AKNAD1: variants seen among roughly 807,000 people sequenced by gnomAD.
The protein encoded by AKNAD1 is AKNA domain containing 1.
In AKNAD1, 67 loss-of-function variants were observed where a neutral mutation model predicts 90.8. The observed-to-expected ratio is 0.74, with a 90% CI of 0.61 to 0.90. AKNAD1 has a LOEUF of 0.90. Ranked by LOEUF, AKNAD1 falls within the 40% of genes least tolerant of loss-of-function variation. The pLI is 0.00. For missense variants in AKNAD1, 957 were observed against 975.4 expected, an observed-to-expected ratio of 0.98 and a Z score of 0.25; for synonymous variants, 327 against 341.4, an observed-to-expected ratio of 0.96 and a Z score of 0.46.
intron 14 of AKNAD1, among the ~76,000 whole-genome samples, chr1:108,820,233 TCAA>T (rs1043059426): frequency 9.9e-5 from 15 of 152,198 alleles, no homozygotes; most frequent in African/African-American, 3.6e-4. Flanking sequence ...CCAAATTAGA[TCAA>T]TGGGACTTTG....
At chr1:108,832,211 CTT>C (rs35868464) in intron 9 of AKNAD1, among the ~76,000 whole-genome samples, 2,732 of 91,460 alleles carry the variant, frequency 0.03, 13 homozygotes, top group South Asian at 0.063. Flanking sequence ...ATGCTGTGTT[CTT>C]TTTTTTTTTT....
At chr1:108,853,643 T>C (rs921372703) in intron 1 of AKNAD1, among the ~76,000 whole-genome samples, 46 of 151,730 alleles carry the variant, frequency 3.0e-4, no homozygotes, top group African/African-American at 1.1e-3. Context: ...TACAGAAATA[T>C]GACCAAGGGG....
intron 5 of AKNAD1, among the ~76,000 whole-genome samples, chr1:108,845,697 GAGA>G (rs1162195192): frequency 1.3e-5 from 2 of 152,216 alleles, no homozygotes; most frequent in Non-Finnish European, 2.9e-5. Context: ...CTTGGGAAGT[GAGA>G]AGAATGTGGT....
chr1:108,846,346 C>T (rs942610171), intron 5 of AKNAD1, among the ~76,000 whole-genome samples: 10 of 152,250 alleles, frequency 6.6e-5, no homozygotes, highest in African/African-American at 9.6e-5. Flanking sequence ...TCCAGGCTTC[C>T]GAAGGCTCCT....
chr1:108,827,528 A>G (rs967396692), intron 10 of AKNAD1, among the ~76,000 whole-genome samples: 2 of 151,660 alleles, frequency 1.3e-5, no homozygotes, highest in Non-Finnish European at 2.9e-5. Flanking sequence ...AATGTATACA[A>G]GACAGGCCAG....
chr1:108,828,168 G>A (rs1041973221), intron 10 of AKNAD1, among the ~76,000 whole-genome samples: 1 of 151,706 alleles, frequency 6.6e-6, no homozygotes, highest in East Asian at 2.0e-4. Flanking sequence ...AATGGGTCAC[G>A]TAGCTTTGGT....
intron 6 of AKNAD1, among the ~76,000 whole-genome samples, chr1:108,840,429 A>C (rs1245835830): frequency 1.3e-5 from 2 of 152,228 alleles, no homozygotes; most frequent in African/African-American, 2.4e-5. Flanking sequence ...AATACTTACT[A>C]CAAAGATTTC....
intron 9 of AKNAD1, among the ~76,000 whole-genome samples, chr1:108,832,211 C>CTTTTT (rs35868464): frequency 4.6e-4 from 42 of 91,666 alleles, no homozygotes; most frequent in East Asian, 6.3e-4. Context: ...ATGCTGTGTT[C>CTTTTT]TTTTTTTTTT....
At chr1:108,816,675 A>G (rs909548997) in intron 15 of AKNAD1, among the ~76,000 whole-genome samples, 2 of 152,120 alleles carry the variant, frequency 1.3e-5, no homozygotes, top group South Asian at 2.1e-4. Context: ...GCGCATGCGT[A>G]TGGAAACATT....
intron 1 of AKNAD1, among the ~76,000 whole-genome samples, chr1:108,856,688 A>G (rs1029161701): frequency 6.7e-6 from 1 of 150,188 alleles, no homozygotes; most frequent in Non-Finnish European, 1.5e-5. Context: ...CCTGGGTGAC[A>G]GAGCAAGACC....
chr1:108,841,368 C>A (rs1344943186), intron 6 of AKNAD1, among the ~76,000 whole-genome samples: 1 of 151,978 alleles, frequency 6.6e-6, no homozygotes, highest in Non-Finnish European at 1.5e-5. Flanking sequence ...AAGTTGTGAT[C>A]TTTTCTTTAA....
intron 14 of AKNAD1, among the ~76,000 whole-genome samples, chr1:108,819,750 AATT>A (rs1663751454): frequency 1.2e-5 from 1 of 80,532 alleles, no homozygotes; most frequent in African/African-American, 4.4e-5. Context: ...TGTCTCTACA[AATT>A]TTTTTTTTTT....
At position 108,843,389 on chromosome 1, in the gene AKNAD1, A is replaced by G. The variant is rs1011079089; in HGVS notation, c.1246-122T>C. 16 of 1,242,302 alleles carry G rather than the reference A, an allele frequency of 1.3e-5. No individual in the cohort carries two copies. The Admixed American group carries it at 4.1e-4, about 32-fold the overall frequency. 77.0% of individuals were successfully genotyped at this position (1,242,302 alleles called of 1,614,324 possible). The stretch of plus-strand genomic sequence containing the variant: ...AAAACAAAGCTGCCATCCTTCTCCC[A>G]GCAGCATAAATTGTTTTGTCTCAGA... On this transcript the variant is annotated intron_variant, in intron 5 of 15. Transcript: ENST00000370001.
chr1:108,828,906 A>G (rs931658417), intron 10 of AKNAD1, among the ~76,000 whole-genome samples: 2 of 151,866 alleles, frequency 1.3e-5, no homozygotes, highest in African/African-American at 4.8e-5. Flanking sequence ...CAGTTTTTCA[A>G]CAAGACAAAG....
intron 2 of AKNAD1, among the ~76,000 whole-genome samples, chr1:108,850,455 A>G (rs1189004198): frequency 2.0e-5 from 3 of 152,128 alleles, no homozygotes; most frequent in Non-Finnish European, 4.4e-5. Context: ...CAAGCAGAAC[A>G]AGGAACCCCG....
At position 108,848,793 on chromosome 1, in the gene AKNAD1, T is replaced by C. The variant is rs755695173; in HGVS notation, c.1204A>G (p.Ile402Val). The change falls in exon 5 of 16, where the codon ATA becomes GTA. Residue 402 changes from isoleucine (I) to valine (V), a missense_variant. Physicochemically the swap from Ile to Val is conservative, Grantham distance 29. Transcript: ENST00000370001. ...KTKVQEFSKR[I>V]KQDSPYHLQD... ...AAATGGTAAGGAGAGTCCTGTTTTA[T>C]TCTTTTGGAAAATTCTTGTACCTGC... 4 of 1,610,748 alleles carry C rather than the reference T, an allele frequency of 2.5e-6. No homozygotes were observed. The highest frequency in any genetic ancestry group is 1.1e-5 in the South Asian group (1 of 89,618).
At chr1:108,851,624 TA>T in intron 2 of AKNAD1, 47 bp downstream of exon 2, 1 of 1,496,762 alleles carries the variant, frequency 6.7e-7, no homozygotes, top group Non-Finnish European at 8.9e-7. Flanking sequence ...CTGAAAGAGA[TA>T]AGCAGTGGTC....
At chr1:108,838,850 A>C (rs1026891620) in intron 6 of AKNAD1, among the ~76,000 whole-genome samples, 4 of 152,142 alleles carry the variant, frequency 2.6e-5, no homozygotes, top group Non-Finnish European at 5.9e-5. Flanking sequence ...TTAAAAAAGT[A>C]GAAAATATGA....
chr1:108,828,998 T>C (rs1481153553), intron 10 of AKNAD1, among the ~76,000 whole-genome samples: 3 of 151,842 alleles, frequency 2.0e-5, no homozygotes, highest in Non-Finnish European at 4.4e-5. Flanking sequence ...TTTATACATA[T>C]GTAATTTATC....
Sources: allele counts gnomAD v4.1 joint callset (sites outside exome capture counted in the v4.1 genomes callset), GRCh38; gene constraint gnomAD v4.1.1; transcripts MANE v1.5; gene names NCBI Gene and HGNC (gene_info 2026-07-23, HGNC 2026-07-21).